SCFD2: variants seen among roughly 807,000 people sequenced by gnomAD.
SCFD2 encodes the protein sec1 family domain-containing protein 2.
Under a neutral mutation model 58.9 loss-of-function variants are expected in SCFD2, and 54 were observed. The ratio of observed to expected loss-of-function variants is 0.92; its 90% CI spans 0.74 to 1.15. The LOEUF is 1.15. Among genes scored for constraint, SCFD2 ranks in the 50% most tolerant of loss-of-function variants. The pLI is 0.00. For synonymous variants in SCFD2, 321 were observed against 335.9 expected (o/e 0.96, Z 0.49); for missense variants, 805 against 836.6 (o/e 0.96, Z 0.47).
intron 3 of SCFD2, among the ~76,000 whole-genome samples, chr4:53,311,833 A>G (rs1732701822): frequency 6.6e-6 from 1 of 151,812 alleles, no homozygotes; most frequent in East Asian, 1.9e-4. Flanking sequence ...ACAGGGTTTC[A>G]CCATATTGGC....
At chr4:53,175,520 T>C (rs867794795) in intron 4 of SCFD2, among the ~76,000 whole-genome samples, 1 of 152,356 alleles carries the variant, frequency 6.6e-6, no homozygotes, top group South Asian at 2.1e-4. Context: ...AATTAGTTCC[T>C]AATTGAAAAT....
At chr4:52,929,159 T>G (rs1308313726) in intron 5 of SCFD2, among the ~76,000 whole-genome samples, 1 of 152,162 alleles carries the variant, frequency 6.6e-6, no homozygotes, top group African/African-American at 2.4e-5. Flanking sequence ...ACAAAAACTC[T>G]GAAGTTTGTG....
At chr4:53,248,795 A>C (rs1022647296) in intron 4 of SCFD2, among the ~76,000 whole-genome samples, 3 of 152,120 alleles carry the variant, frequency 2.0e-5, no homozygotes, top group African/African-American at 7.2e-5. Context: ...CACACCAAAA[A>C]CCCATCTGTA....
chr4:53,208,504 C>T (rs1257138601), intron 4 of SCFD2, among the ~76,000 whole-genome samples: 1 of 152,100 alleles, frequency 6.6e-6, no homozygotes, highest in African/African-American at 2.4e-5. Flanking sequence ...AGAAAAAGAC[C>T]TCATAGTTCA....
chr4:52,923,033 G>A (rs1719777278), intron 5 of SCFD2, among the ~76,000 whole-genome samples: 1 of 152,228 alleles, frequency 6.6e-6, no homozygotes, highest in African/African-American at 2.4e-5. Context: ...GAATCCAGCT[G>A]CATCAGACAC....
intron 5 of SCFD2, among the ~76,000 whole-genome samples, chr4:53,043,595 G>A (rs1722952000): frequency 1.3e-5 from 2 of 152,112 alleles, no homozygotes; most frequent in African/African-American, 2.4e-5. Context: ...GGAAGGTGTT[G>A]AAGTGTGCTA....
chr4:53,185,267 T>C (rs763861311), intron 4 of SCFD2, among the ~76,000 whole-genome samples: 5 of 152,060 alleles, frequency 3.3e-5, no homozygotes, highest in Non-Finnish European at 7.4e-5. Flanking sequence ...TAGTAAACCA[T>C]GGCAATTTTA....
At chr4:52,888,210 A>G (rs1718789313) in intron 7 of SCFD2, among the ~76,000 whole-genome samples, 1 of 152,172 alleles carries the variant, frequency 6.6e-6, no homozygotes, top group Non-Finnish European at 1.5e-5. Flanking sequence ...AGGATGATGC[A>G]TTAAGTATTC....
intron 4 of SCFD2, among the ~76,000 whole-genome samples, chr4:53,188,418 G>GATGTGT (rs1335858806): frequency 1.4e-5 from 2 of 143,460 alleles, no homozygotes; most frequent in Non-Finnish European, 3.1e-5. Context: ...CTTCAAAACT[G>GATGTGT]GTGTGTGTGT....
chr4:53,214,259 T>C (rs1422264000), intron 4 of SCFD2, among the ~76,000 whole-genome samples: 2 of 152,136 alleles, frequency 1.3e-5, no homozygotes, highest in Non-Finnish European at 2.9e-5. Flanking sequence ...TGAACTAGTT[T>C]ACAATCCCAC....
intron 5 of SCFD2, among the ~76,000 whole-genome samples, chr4:53,134,692 C>T (rs1424701982): frequency 1.3e-5 from 2 of 152,170 alleles, no homozygotes; most frequent in East Asian, 1.9e-4. Flanking sequence ...AGCTAGAAAA[C>T]ATACCATCTT....
At chr4:53,324,095 C>T (rs1461795165) in intron 2 of SCFD2, among the ~76,000 whole-genome samples, 2 of 152,066 alleles carry the variant, frequency 1.3e-5, no homozygotes, top group Admixed American at 6.5e-5. Context: ...ACACCATCCC[C>T]TAATAAATGT....
At chr4:52,948,394 G>T in intron 5 of SCFD2, 1 of 404,536 alleles carries the variant, frequency 2.5e-6, no homozygotes, top group Non-Finnish European at 5.0e-6. Flanking sequence ...CAGTCAAAGG[G>T]CCTGGACTCA....
chr4:53,235,319 CT>C (rs1729564837), intron 4 of SCFD2, among the ~76,000 whole-genome samples: 1 of 152,230 alleles, frequency 6.6e-6, no homozygotes, highest in Admixed American at 6.5e-5. Context: ...TCTCCAGACT[CT>C]GGTAAACCAT....
intron 4 of SCFD2, chr4:53,273,554 A>T (rs542687098): frequency 3.8e-6 from 1 of 261,758 alleles, no homozygotes; most frequent in South Asian, 1.2e-4. Context: ...ATGGCATAAA[A>T]TTGAAAGAGG....
At chr4:53,277,134 C>T (rs972098809) in intron 3 of SCFD2, among the ~76,000 whole-genome samples, 1 of 152,124 alleles carries the variant, frequency 6.6e-6, no homozygotes, top group South Asian at 2.1e-4. Context: ...GTGAACAAAT[C>T]CAGACAAAAA....
intron 6 of SCFD2, among the ~76,000 whole-genome samples, chr4:52,910,840 T>G (rs1719467501): frequency 6.6e-6 from 1 of 152,108 alleles, no homozygotes; most frequent in African/African-American, 2.4e-5. Flanking sequence ...TACAAGCAGC[T>G]TTTCCCCCTT....
At chr4:53,177,965 G>C (rs543137316) in intron 4 of SCFD2, among the ~76,000 whole-genome samples, 1 of 152,188 alleles carries the variant, frequency 6.6e-6, no homozygotes, top group Non-Finnish European at 1.5e-5. Context: ...AGGGGCGCCC[G>C]CCATTTTCGG....
intron 4 of SCFD2, among the ~76,000 whole-genome samples, chr4:53,210,711 T>C (rs1221998604): frequency 6.6e-6 from 1 of 152,128 alleles, no homozygotes; most frequent in Non-Finnish European, 1.5e-5. Context: ...ATGACAGATA[T>C]TGATTTTTGT....
Sources: gnomAD v4.1 joint callset for allele counts (sites outside exome capture counted in the v4.1 genomes callset) on GRCh38, gnomAD v4.1.1 for gene constraint, MANE v1.5 for transcripts, NCBI Gene and HGNC (gene_info 2026-07-23, HGNC 2026-07-21) for gene names.